Variants in OPRM1 observed in about 807,000 individuals in gnomAD.
The protein encoded by OPRM1 is opioid receptor mu 1.
A neutral mutation model predicts 31.8 loss-of-function variants in OPRM1; 27 were observed. The observed-to-expected ratio is 0.85, with a 90% CI of 0.63 to 1.17. The LOEUF is 1.17. OPRM1 is among the 50% of genes most tolerant of loss of function. The probability of loss-of-function intolerance (pLI) is 0.00; values close to 1 mark genes in which losing one functional copy is unlikely to be tolerated. For missense variants in OPRM1, 536 were observed against 511.1 expected, an observed-to-expected ratio of 1.05 and a Z score of -0.47; for synonymous variants, 196 against 189.9, an observed-to-expected ratio of 1.03 and a Z score of -0.26.
rs548403920 is a variant in OPRM1, at chr6:154,199,407, TATC to T, written c.1165-47283_1165-47281del. On this transcript the variant is annotated intron_variant, in intron 3 of 3. Transcript: ENST00000337049. The stretch of plus-strand genomic sequence containing the variant: ...GTTTTTTCTCCGATTGGTGGAAAAG[TATC>T]ATTATTTTATGATCACATGTCTTGG... Among the ~76,000 whole-genome samples the T allele has an allele frequency of 4.6e-3, 697 of 152,350 alleles. 8 individuals carry two copies. Among genetic ancestry groups the T allele is most frequent in the African/African-American group, 0.016 (679 of 41,586 alleles).
In OPRM1 at chr6:154,118,790, C is replaced by T. The variant is rs1387655508; in HGVS notation, c.*69C>T. Reference sequence around the variant, plus strand: ...CCATGTATGTGGAAGCAGGTTGCTTCAAGAATGTGTAGGAGGCTCTAATTC... The same window carrying T: ...CCATGTATGTGGAAGCAGGTTGCTTTAAGAATGTGTAGGAGGCTCTAATTC... On this transcript the variant is annotated 3_prime_UTR_variant, in exon 4 of 4. Coordinates refer to ENST00000330432, the MANE Select transcript of OPRM1 (RefSeq NM_000914.5). 6.2e-7 allele frequency: 1 copy of T among 1,603,356 alleles called. No homozygotes were observed. The highest frequency in any genetic ancestry group is 8.5e-7 in the Non-Finnish European group (1 of 1,176,770).
At chr6:154,208,349 C>T (rs1777675225) in intron 3 of OPRM1, among the ~76,000 whole-genome samples, 1 of 152,186 alleles carries the variant, frequency 6.6e-6, no homozygotes, top group Non-Finnish European at 1.5e-5. Flanking sequence ...GGCTGACTCT[C>T]ACACCACCTT....
chr6:154,042,674 G>A (rs1780312464), intron 1 of OPRM1, among the ~76,000 whole-genome samples: 1 of 152,030 alleles, frequency 6.6e-6, no homozygotes, highest in African/African-American at 2.4e-5. Flanking sequence ...TTCTTAAACA[G>A]GGCTACTCTA....
rs1483957594 is a variant in OPRM1, at chr6:154,125,690, A to G, written c.*6969A>G. On this transcript the variant is annotated 3_prime_UTR_variant, in exon 4 of 4. Transcript: ENST00000330432. ...AGGACCTAAAAGTTGAAAACAGGCTATCACATCCCATTTGCTTTAAAGTCT... is the reference window on the plus strand; with the variant it reads ...AGGACCTAAAAGTTGAAAACAGGCTGTCACATCCCATTTGCTTTAAAGTCT... 1.3e-5 allele frequency among the ~76,000 whole-genome samples: 2 copies of G among 152,136 alleles called. No individual in the cohort carries two copies. Among genetic ancestry groups the G allele is most frequent in the South Asian group, 2.1e-4 (1 of 4,834 alleles).
chr6:154,202,139 G>A (rs1777120959), intron 3 of OPRM1, among the ~76,000 whole-genome samples: 1 of 152,138 alleles, frequency 6.6e-6, no homozygotes, highest in African/African-American at 2.4e-5. Flanking sequence ...GCTAGACACG[G>A]ATTGTCAGAT....
intron 3 of OPRM1, among the ~76,000 whole-genome samples, chr6:154,111,309 A>G (rs993035453): frequency 6.6e-5 from 10 of 152,180 alleles, no homozygotes; most frequent in Non-Finnish European, 1.3e-4. Flanking sequence ...TGATTTCTGT[A>G]ATAAATGAGA....
chr6:154,113,518 G>T (rs1796557195), intron 3 of OPRM1, among the ~76,000 whole-genome samples: 2 of 152,128 alleles, frequency 1.3e-5, no homozygotes, highest in Admixed American at 6.5e-5. Context: ...AGCTCTATGG[G>T]CAGGGTCGCC....
chr6:154,148,490 C>A (rs890225653), intron 3 of OPRM1, among the ~76,000 whole-genome samples: 3 of 152,240 alleles, frequency 2.0e-5, no homozygotes, highest in African/African-American at 7.2e-5. Context: ...GCCACCATGT[C>A]TTCTCTGTTC....
chr6:154,086,201 G>A (rs1790525242), intron 1 of OPRM1, among the ~76,000 whole-genome samples: 1 of 152,098 alleles, frequency 6.6e-6, no homozygotes. Flanking sequence ...TATGCTGGAG[G>A]CAATTGGAAT....
At chr6:154,103,690 G>A (rs1025141688) in intron 3 of OPRM1, among the ~76,000 whole-genome samples, 1 of 152,148 alleles carries the variant, frequency 6.6e-6, no homozygotes, top group African/African-American at 2.4e-5. Context: ...TGCTCAACAA[G>A]GGGTGTATTA....
At chr6:154,211,125 A>C (rs1188257123) in intron 3 of OPRM1, among the ~76,000 whole-genome samples, 1 of 152,210 alleles carries the variant, frequency 6.6e-6, no homozygotes, top group Non-Finnish European at 1.5e-5. Flanking sequence ...CAGTAGAAAC[A>C]GCATGTCCTG....
chr6:154,063,276 C>A (rs748590359), intron 1 of OPRM1, among the ~76,000 whole-genome samples: 2 of 151,910 alleles, frequency 1.3e-5, no homozygotes, highest in Admixed American at 6.6e-5. Flanking sequence ...AACATCAGTT[C>A]GCACAAACCC....
At chr6:154,164,887 C>A (rs1222665496) in intron 3 of OPRM1, among the ~76,000 whole-genome samples, 1 of 152,172 alleles carries the variant, frequency 6.6e-6, no homozygotes, top group Non-Finnish European at 1.5e-5. Flanking sequence ...CAACATAATA[C>A]GATCAACTTT....
chr6:154,116,800 T>TAC (rs1796931736), intron 3 of OPRM1, among the ~76,000 whole-genome samples: 1 of 152,102 alleles, frequency 6.6e-6, no homozygotes, highest in African/African-American at 2.4e-5. Context: ...ACTCCTTCAT[T>TAC]ACACCAATGC....
chr6:154,030,189 G>T (rs1190597192), intron 1 of OPRM1, among the ~76,000 whole-genome samples: 1 of 144,966 alleles, frequency 6.9e-6, no homozygotes, highest in Non-Finnish European at 1.5e-5. Flanking sequence ...ACCTCTGAGA[G>T]TCTCCCCTTG....
At position 154,121,434 on chromosome 6, in the gene OPRM1, ACGG is replaced by A. The variant is rs1432612228; in HGVS notation, c.*2714_*2716del. Among the ~76,000 whole-genome samples the A allele has an allele frequency of 2.0e-5, 3 of 152,200 alleles. No homozygotes were observed. Among genetic ancestry groups the A allele is most frequent in the African/African-American group, 7.2e-5 (3 of 41,444 alleles). The stretch of plus-strand genomic sequence containing the variant: ...TATCCTATCCCAACAGGGCTGTCAG[ACGG>A]AGAACTCCTAATGTGGCCATTTGAA... On this transcript the variant is annotated 3_prime_UTR_variant, in exon 4 of 4. Transcript: ENST00000330432.
At chr6:154,163,713 A>C (rs1799207159) in intron 3 of OPRM1, among the ~76,000 whole-genome samples, 1 of 152,198 alleles carries the variant, frequency 6.6e-6, no homozygotes, top group Non-Finnish European at 1.5e-5. Flanking sequence ...TGAATAAATG[A>C]ATTACCAATT....
At chr6:154,113,759 T>C (rs550014) in intron 3 of OPRM1, among the ~76,000 whole-genome samples, 31,450 of 152,156 alleles carry the variant, frequency 0.21, 3,486 homozygotes, top group Non-Finnish European at 0.25. Context: ...TAAATCCAGC[T>C]GATAAATCCA....
At chr6:154,225,958 A>T (rs1295835667) in intron 3 of OPRM1, among the ~76,000 whole-genome samples, 1 of 152,150 alleles carries the variant, frequency 6.6e-6, no homozygotes, top group Non-Finnish European at 1.5e-5. Flanking sequence ...TTGAACTCTA[A>T]GTGACGCTGT....
Sources: gnomAD v4.1 joint callset for allele counts (sites outside exome capture counted in the v4.1 genomes callset) on GRCh38, gnomAD v4.1.1 for gene constraint, MANE v1.5 for transcripts, NCBI Gene and HGNC (gene_info 2026-07-23, HGNC 2026-07-21) for gene names.